The following COL9A1 variants were observed in gnomAD, a reference collection of about 807,000 sequenced individuals.
The protein encoded by COL9A1 is collagen alpha-1(IX) chain.
In COL9A1, 104 loss-of-function variants were observed where a neutral mutation model predicts 142.6. That is an observed-to-expected ratio of 0.73 (90% confidence interval 0.62 to 0.86). The LOEUF (loss-of-function observed/expected upper bound fraction) is 0.86, where lower values mean the gene tolerates loss of function less well. COL9A1 is among the 40% of genes least tolerant of loss of function. The probability of loss-of-function intolerance (pLI) is 0.00; values close to 1 mark genes in which losing one functional copy is unlikely to be tolerated. For synonymous variants in COL9A1, 466 were observed against 396.0 expected, an observed-to-expected ratio of 1.18 and a Z score of -2.10; for missense variants, 1,210 against 1,176.6, an observed-to-expected ratio of 1.03 and a Z score of -0.42.
chr6:70,224,661 C>A (rs968353685), intron 37 of COL9A1, among the ~76,000 whole-genome samples: 1 of 152,132 alleles, frequency 6.6e-6, no homozygotes, highest in African/African-American at 2.4e-5. Context: ...GAGACAGGCA[C>A]CTTTAGTAAA....
chr6:70,269,075 G>T (rs1041720405), intron 16 of COL9A1, among the ~76,000 whole-genome samples: 9 of 152,044 alleles, frequency 5.9e-5, no homozygotes, highest in African/African-American at 1.9e-4. Context: ...AAAGTGTAGA[G>T]AATATAATAC....
intron 17 of COL9A1, among the ~76,000 whole-genome samples, 172 bp from the exon 18 acceptor site, chr6:70,266,942 T>A (rs908068073): frequency 6.6e-6 from 1 of 152,224 alleles, no homozygotes; most frequent in South Asian, 2.1e-4. Flanking sequence ...GACTGCCATA[T>A]ATAATTAATA....
chr6:70,233,861 T>A (rs1410473696), intron 35 of COL9A1, among the ~76,000 whole-genome samples: 2 of 152,216 alleles, frequency 1.3e-5, no homozygotes, highest in African/African-American at 4.8e-5. Context: ...ACCAGAATAC[T>A]GTAACTAGCT....
chr6:70,226,007 C>A lies in COL9A1; in HGVS notation c.2506G>T (p.Asp836Tyr), dbSNP rs1769203036. 1.9e-6 allele frequency: 3 copies of A among 1,612,596 alleles called. No individual in the cohort carries two copies. The highest frequency in any genetic ancestry group is 2.5e-6 in the Non-Finnish European group (3 of 1,178,840). The change falls in exon 37 of 38, where the codon GAC becomes TAC. Residue 836 changes from aspartate to tyrosine, a missense_variant and splice_region_variant. Transcript: ENST00000357250. ...GALGLRGPKGDLGEKGERGPP... is the reference protein window; with the variant it reads ...GALGLRGPKGYLGEKGERGPP... ...CCACGCTCCCCCTTTTCTCCCAAGT[C>A]ACCTGCATTACATTAAAGAAATGTT... is the stretch of plus-strand genomic sequence containing the variant.
At chr6:70,292,218 T>A (rs1442655163) in intron 5 of COL9A1, among the ~76,000 whole-genome samples, 1 of 152,154 alleles carries the variant, frequency 6.6e-6, no homozygotes, top group Non-Finnish European at 1.5e-5. Context: ...CTGTCACACC[T>A]CCACCATCAT....
intron 33 of COL9A1, among the ~76,000 whole-genome samples, chr6:70,236,286 A>G (rs1258626921): frequency 6.6e-6 from 1 of 152,154 alleles, no homozygotes; most frequent in Non-Finnish European, 1.5e-5. Context: ...GCAGACCACT[A>G]AAAGCATTTA....
intron 18 of COL9A1, among the ~76,000 whole-genome samples, chr6:70,263,667 TG>T (rs1212946290): frequency 4.6e-5 from 7 of 152,000 alleles, no homozygotes; most frequent in South Asian, 4.1e-4. Flanking sequence ...GTGTGTCAAA[TG>T]GGGGGGATTT....
At chr6:70,258,006 C>G (rs1771432080) in intron 20 of COL9A1, among the ~76,000 whole-genome samples, 1 of 152,168 alleles carries the variant, frequency 6.6e-6, no homozygotes, top group African/African-American at 2.4e-5. Flanking sequence ...AAGAGCAGAT[C>G]CAGTCTACCA....
intron 5 of COL9A1, among the ~76,000 whole-genome samples, chr6:70,289,591 T>C (rs1773582435): frequency 1.3e-5 from 2 of 152,292 alleles, no homozygotes; most frequent in South Asian, 4.1e-4. Flanking sequence ...CAAAACTGTT[T>C]TAATCAAATC....
chr6:70,231,125 T>C (rs1769513303), intron 36 of COL9A1, among the ~76,000 whole-genome samples: 1 of 152,154 alleles, frequency 6.6e-6, no homozygotes, highest in African/African-American at 2.4e-5. Context: ...GGACTCAGTG[T>C]GGACCAGCGA....
At chr6:70,223,040 T>C (rs1320690050) in intron 37 of COL9A1, among the ~76,000 whole-genome samples, 1 of 152,168 alleles carries the variant, frequency 6.6e-6, no homozygotes, top group Non-Finnish European at 1.5e-5. Context: ...AAAGATGTAC[T>C]GCTACCCAGT....
At chr6:70,296,943 C>G (rs997581306) in intron 4 of COL9A1, among the ~76,000 whole-genome samples, 3 of 152,048 alleles carry the variant, frequency 2.0e-5, no homozygotes, top group Non-Finnish European at 2.9e-5. Flanking sequence ...TTTTTCCAGG[C>G]TTCAACTATA....
chr6:70,271,097 A>G (rs567153976), intron 14 of COL9A1, among the ~76,000 whole-genome samples: 1 of 152,314 alleles, frequency 6.6e-6, no homozygotes, highest in Non-Finnish European at 1.5e-5. Flanking sequence ...AGGAACAAAC[A>G]AGGTATATGA....
At chr6:70,253,346 A>G (rs376372122) in intron 26 of COL9A1, 39 bp downstream of exon 26, 594 of 1,335,912 alleles carry the variant, frequency 4.4e-4, no homozygotes, top group Non-Finnish European at 5.9e-4. Context: ...TAATAAAGAA[A>G]TTAAGAAAGA....
chr6:70,268,683 T>A (rs1772192043), intron 17 of COL9A1, 121 bp downstream of exon 17: 1 of 830,628 alleles, frequency 1.2e-6, no homozygotes, highest in South Asian at 1.4e-5. Flanking sequence ...TAGGACTGAA[T>A]AAGCACTACT....
chr6:70,282,296 G>C (rs1465573765), intron 7 of COL9A1, among the ~76,000 whole-genome samples: 1 of 152,226 alleles, frequency 6.6e-6, no homozygotes, highest in East Asian at 1.9e-4. Flanking sequence ...GGTTACAATG[G>C]GGTCTTTGTA....
At chr6:70,226,090 A>G (rs1583206603) in intron 36 of COL9A1, 81 bp from the exon 37 acceptor site, 2 of 1,262,598 alleles carry the variant, frequency 1.6e-6, no homozygotes, top group East Asian at 2.4e-5. Flanking sequence ...CAGCAAATCT[A>G]AAATTCAGAA....
At chr6:70,242,294 C>G in intron 29 of COL9A1, 1 of 581,218 alleles carries the variant, frequency 1.7e-6, no homozygotes, top group Middle Eastern at 4.6e-4. Context: ...TTCAGTCAAG[C>G]CCCCGCCACC....
chr6:70,270,760 A>C (rs1215476206), intron 14 of COL9A1, among the ~76,000 whole-genome samples: 1 of 152,212 alleles, frequency 6.6e-6, no homozygotes, highest in Non-Finnish European at 1.5e-5. Context: ...GAAGGTTTGC[A>C]CTCAGTCTGA....
Sources: gnomAD v4.1 joint callset for allele counts (sites outside exome capture counted in the v4.1 genomes callset) on GRCh38, gnomAD v4.1.1 for gene constraint, MANE v1.5 for transcripts, NCBI Gene and HGNC (gene_info 2026-07-23, HGNC 2026-07-21) for gene names.